The following KDM4C variants were observed in gnomAD, a reference collection of about 807,000 sequenced individuals.
KDM4C encodes lysine-specific demethylase 4C.
In KDM4C, 81 loss-of-function variants were observed where a neutral mutation model predicts 129.3. That is an observed-to-expected ratio of 0.63 (90% CI 0.52 to 0.75). The LOEUF is 0.75. KDM4C is among the 30% of genes least tolerant of loss of function. KDM4C has a pLI of 0.00. For missense variants in KDM4C, 1,457 were observed against 1,304.0 expected (o/e 1.12, Z -1.81); for synonymous variants, 573 against 456.1 (o/e 1.26, Z -3.26).
intron 1 of KDM4C, among the ~76,000 whole-genome samples, chr9:6,792,598 A>G (rs1049064136): frequency 6.6e-6 from 1 of 152,088 alleles, no homozygotes; most frequent in Non-Finnish European, 1.5e-5. Context: ...CATGTTGGCT[A>G]GTCTGGTCTC....
At chr9:7,022,131 G>C (rs557370391) in intron 15 of KDM4C, among the ~76,000 whole-genome samples, 6 of 151,994 alleles carry the variant, frequency 3.9e-5, no homozygotes, top group Middle Eastern at 3.2e-3. Flanking sequence ...AGTTTTGGCT[G>C]TTCTGGGTCT....
intron 7 of KDM4C, among the ~76,000 whole-genome samples, chr9:6,889,434 C>T (rs1339688674): frequency 1.3e-5 from 2 of 152,008 alleles, no homozygotes; most frequent in Admixed American, 6.6e-5. Flanking sequence ...ATGAAAAAAT[C>T]GTGCCTCCGA....
At chr9:6,756,120 A>T (rs1233753651), upstream of KDM4C, among the ~76,000 whole-genome samples, 1 of 152,246 alleles carries the variant, frequency 6.6e-6, no homozygotes, top group Non-Finnish European at 1.5e-5. Flanking sequence ...CTAATATAGC[A>T]TATGGCTTCC....
intron 17 of KDM4C, among the ~76,000 whole-genome samples, chr9:7,073,771 G>A (rs1019962137): frequency 6.6e-6 from 1 of 152,136 alleles, no homozygotes; most frequent in African/African-American, 2.4e-5. Flanking sequence ...CATTAGCCTT[G>A]CAGGGCCCAT....
At chr9:6,761,562 C>T (rs750338975) in intron 1 of KDM4C, among the ~76,000 whole-genome samples, 3 of 151,956 alleles carry the variant, frequency 2.0e-5, no homozygotes, top group Non-Finnish European at 4.4e-5. Flanking sequence ...TCAAGCAGTC[C>T]GCTTGCCCCA....
intron 3 of KDM4C, among the ~76,000 whole-genome samples, chr9:6,811,842 A>G (rs753778661): frequency 3.3e-4 from 50 of 152,148 alleles, no homozygotes; most frequent in Non-Finnish European, 6.3e-4. Context: ...CTGTACTGCA[A>G]TGAGTGAGAG....
chr9:6,839,265 G>A (rs1375695220), intron 4 of KDM4C, among the ~76,000 whole-genome samples: 2 of 152,010 alleles, frequency 1.3e-5, no homozygotes, highest in African/African-American at 2.4e-5. Context: ...GGTCTCACTC[G>A]GTTACCCAGG....
chr9:6,772,386 C>T (rs1353625619), intron 1 of KDM4C, among the ~76,000 whole-genome samples: 2 of 146,270 alleles, frequency 1.4e-5, no homozygotes, highest in Non-Finnish European at 1.5e-5. Context: ...TTTGAGACGG[C>T]GTCTTGCTCT....
chr9:7,144,348 C>CA (rs765183348), intron 19 of KDM4C, among the ~76,000 whole-genome samples: 14 of 152,214 alleles, frequency 9.2e-5, no homozygotes, highest in Non-Finnish European at 1.8e-4. Flanking sequence ...GGTTGGTCGT[C>CA]ACCTGGCTCT....
chr9:7,128,989 C>T (rs531089549), intron 19 of KDM4C, among the ~76,000 whole-genome samples: 3 of 152,036 alleles, frequency 2.0e-5, no homozygotes, highest in Non-Finnish European at 2.9e-5. Flanking sequence ...TTTTTGACAC[C>T]GAAATCAAAT....
intron 19 of KDM4C, among the ~76,000 whole-genome samples, chr9:7,164,867 T>A (rs1844209859): frequency 6.6e-6 from 1 of 152,228 alleles, no homozygotes; most frequent in Admixed American, 6.5e-5. Flanking sequence ...CTGAAGCATT[T>A]TGTTAACTGC....
rs117031287 is a variant in KDM4C at position 7,106,407 on chromosome 9, A to C, written c.2610+2537A>C. Among the ~76,000 whole-genome samples, 101 of 152,354 alleles carry C rather than the reference A, an allele frequency of 6.6e-4. 2 individuals carry two copies. The East Asian group carries it at 0.015, about 23-fold the overall frequency. On this transcript the variant is annotated intron_variant, in intron 18 of 21. Transcript: ENST00000381309. ...GGCAATTGCCGAATCATAGCAGTGA[A>C]AACTGTAAAATAAAGTTCAGGCTAA...
intron 13 of KDM4C, among the ~76,000 whole-genome samples, chr9:7,012,723 C>G (rs541966109): frequency 1.3e-5 from 2 of 152,208 alleles, no homozygotes; most frequent in Middle Eastern, 6.8e-3. Context: ...AGCACTCAAA[C>G]AGTTGAAATA....
intron 15 of KDM4C, among the ~76,000 whole-genome samples, chr9:7,037,016 C>G (rs1410475976): frequency 6.6e-6 from 1 of 152,210 alleles, no homozygotes; most frequent in East Asian, 1.9e-4. Flanking sequence ...ACTCAGAACT[C>G]ATACCAGCTC....
intron 12 of KDM4C, among the ~76,000 whole-genome samples, chr9:6,993,637 A>C (rs971583959): frequency 6.6e-6 from 1 of 152,146 alleles, no homozygotes; most frequent in Non-Finnish European, 1.5e-5. Context: ...TGGGTGAACT[A>C]TGCATGCTCT....
chr9:7,091,786 G>A (rs1038905138), intron 17 of KDM4C, among the ~76,000 whole-genome samples: 1 of 152,046 alleles, frequency 6.6e-6, no homozygotes, highest in Non-Finnish European at 1.5e-5. Flanking sequence ...GCCTGCGACT[G>A]GGAAGACATG....
At chr9:6,868,699 C>T (rs1842414606) in intron 5 of KDM4C, among the ~76,000 whole-genome samples, 1 of 151,768 alleles carries the variant, frequency 6.6e-6, no homozygotes, top group African/African-American at 2.4e-5. Context: ...GTTTCCCCTC[C>T]ACGTATTTTT....
chr9:7,170,121 T>C lies in KDM4C; in HGVS notation c.2994+231T>C, dbSNP rs3750489. 0.012 allele frequency: 17,529 copies of C among 1,408,442 alleles called. 931 individuals are homozygous for C. In the East Asian group the frequency reaches 0.18, roughly 15 times the overall value. 87.2% of individuals were successfully genotyped at this position (1,408,442 alleles called of 1,614,324 possible). ...TCTTCTAATGAAGTCACATGATGCT[T>C]CTTTGTGTTGACATTTATTGGTGCA... On this transcript the variant is annotated intron_variant, in intron 21 of 21. Coordinates refer to ENST00000381309, the MANE Select transcript of KDM4C (RefSeq NM_015061.6).
At chr9:6,757,954 C>T, upstream of KDM4C, 1 of 985,396 alleles carries the variant, frequency 1.0e-6, no homozygotes, top group East Asian at 1.1e-4. Context: ...CGTGACGGCG[C>T]GCGCGCCCTC....
Sources: allele counts gnomAD v4.1 joint callset (sites outside exome capture counted in the v4.1 genomes callset), GRCh38; gene constraint gnomAD v4.1.1; transcripts MANE v1.5; gene names NCBI Gene and HGNC (gene_info 2026-07-23, HGNC 2026-07-21).